Variants in RPTOR observed in about 807,000 individuals in gnomAD.
The protein encoded by RPTOR is regulatory-associated protein of mTOR.
Under a neutral mutation model 169.9 loss-of-function variants are expected in RPTOR, and 21 were observed. The observed-to-expected ratio is 0.12, with a 90% CI of 0.09 to 0.18. The LOEUF (loss-of-function observed/expected upper bound fraction) is 0.18, where lower values mean the gene tolerates loss of function less well. RPTOR is among the 10% of genes least tolerant of loss of function. The pLI, the probability that RPTOR is intolerant of heterozygous loss-of-function variation, is 1.00. For synonymous variants in RPTOR, 732 were observed against 753.2 expected (o/e 0.97, Z 0.46); for missense variants, 1,133 against 1,855.9 (o/e 0.61, Z 7.16).
At chr17:80,715,644 G>A (rs2066233456) in intron 4 of RPTOR, among the ~76,000 whole-genome samples, 2 of 151,456 alleles carry the variant, frequency 1.3e-5, no homozygotes, top group African/African-American at 2.4e-5. Context: ...GTGGTGTTTG[G>A]TTACATGAAG....
rs1330221255 is a variant in RPTOR at position 80,695,489 on chromosome 17, C to T, written c.349-12352C>T. Among the ~76,000 whole-genome samples the T allele has an allele frequency of 6.6e-6, 1 of 152,080 alleles. No individual in the cohort carries two copies. Among genetic ancestry groups the T allele is most frequent in the Non-Finnish European group, 1.5e-5 (1 of 68,004 alleles). ...GTTACAGAGGGGCAGGTGGGTGGCT[C>T]ACGTGTGGGCTCACCTGCGTCACTT... On this transcript the variant is annotated intron_variant, in intron 3 of 33. Transcript: ENST00000306801. The surrounding 1 kb of genome is among the most constrained non-coding windows in gnomAD (Gnocchi z 4.9).
At chr17:80,930,429 C>CCCCAG (rs1567993846) in intron 24 of RPTOR, among the ~76,000 whole-genome samples, 1 of 2,138 alleles carries the variant, frequency 4.7e-4, no homozygotes, top group Non-Finnish European at 8.3e-4. Flanking sequence ...CTCAGCTCAT[C>CCCCAG]CTCATCCCCA....
At chr17:80,855,600 G>C in intron 12 of RPTOR, 53 bp downstream of exon 12, 2 of 1,324,752 alleles carry the variant, frequency 1.5e-6, no homozygotes, top group Non-Finnish European at 1.1e-6. Context: ...ACAGAGATTA[G>C]GCTCCGTGTT....
At chr17:80,654,266 C>T (rs2143630304) in intron 3 of RPTOR, among the ~76,000 whole-genome samples, 1 of 152,370 alleles carries the variant, frequency 6.6e-6, no homozygotes, top group African/African-American at 2.4e-5. Context: ...CTGAGGGCCA[C>T]TGATGCAGGT....
chr17:80,882,645 CAT>C (rs2068198568), intron 14 of RPTOR, among the ~76,000 whole-genome samples: 1 of 152,186 alleles, frequency 6.6e-6, no homozygotes, highest in Admixed American at 6.5e-5. Flanking sequence ...AGAAAGACCA[CAT>C]GTCAGCGAGG....
chr17:80,851,978 C>A (rs548704430), intron 11 of RPTOR, among the ~76,000 whole-genome samples: 2 of 152,334 alleles, frequency 1.3e-5, no homozygotes, highest in African/African-American at 4.8e-5. Flanking sequence ...TGATTTCTGA[C>A]GATTGCAGCC....
chr17:80,637,330 G>A (rs754238041), intron 2 of RPTOR, among the ~76,000 whole-genome samples: 1 of 152,222 alleles, frequency 6.6e-6, no homozygotes, highest in Non-Finnish European at 1.5e-5. Flanking sequence ...GAGTCAGCTC[G>A]TGAGAAATGG....
chr17:80,662,468 G>A (rs992069388), intron 3 of RPTOR, among the ~76,000 whole-genome samples: 1 of 151,982 alleles, frequency 6.6e-6, no homozygotes, highest in Admixed American at 6.6e-5. Flanking sequence ...CTAGGGAGTG[G>A]GTGCTGCTGA....
Position 80,669,875 on chromosome 17 carries a change from C to T in RPTOR, c.348+26065C>T, listed in dbSNP as rs533663652. On this transcript the variant is annotated intron_variant, in intron 3 of 33. Coordinates refer to ENST00000306801, the MANE Select transcript of RPTOR (RefSeq NM_020761.3). ...CAAATAATTCATTTTTTTTGTTCTT[C>T]AGTCGTCACTTTCATGTTTGATTTC... is the stretch of plus-strand genomic sequence containing the variant. 2.0e-5 allele frequency among the ~76,000 whole-genome samples: 3 copies of T among 152,124 alleles called. No homozygotes were observed. In the South Asian group the frequency reaches 6.2e-4, roughly 31 times the overall value.
chr17:80,634,617 TGTGCGTGTGC>T (rs2065483967), intron 2 of RPTOR, among the ~76,000 whole-genome samples: 2 of 54,812 alleles, frequency 3.6e-5, no homozygotes, highest in Admixed American at 1.7e-4. Context: ...GTGTGTACTG[TGTGCGTGTGC>T]GTACTGTGTG....
chr17:80,869,730 T>C (rs2068031836), intron 13 of RPTOR, among the ~76,000 whole-genome samples: 1 of 152,196 alleles, frequency 6.6e-6, no homozygotes, highest in African/African-American at 2.4e-5. Flanking sequence ...TTTGTGCTCA[T>C]GGAAGCAAAT....
intron 21 of RPTOR, among the ~76,000 whole-genome samples, chr17:80,912,589 G>T (rs531851131): frequency 6.6e-6 from 1 of 152,282 alleles, no homozygotes; most frequent in East Asian, 1.9e-4. Flanking sequence ...TCTCGAGCCT[G>T]TGTAGCACAG....
In RPTOR at chr17:80,845,602, GCCCTCCAGCAGCCTTT is replaced by G. The variant is rs1169839716; in HGVS notation, c.1213-867_1213-852del. ...CCCATCCCCCAGCCTGCCCGAGGAT[GCCCTCCAGCAGCCTTT>G]CCCCACCCTCCGTGCCCCCAGCTGG... On this transcript the variant is annotated intron_variant, in intron 10 of 33. Coordinates refer to ENST00000306801, the MANE Select transcript of RPTOR (RefSeq NM_020761.3). This position sits in a 1 kb window ranked among gnomAD's most constrained non-coding sequence, Gnocchi z 5.4. Among the ~76,000 whole-genome samples the G allele has an allele frequency of 6.6e-6, 1 of 151,308 alleles. No individual in the cohort carries two copies. The highest frequency in any genetic ancestry group is 2.4e-5 in the African/African-American group (1 of 41,144).
In RPTOR at chr17:80,746,794, C is replaced by T. The variant is rs1296002397; in HGVS notation, c.655-7216C>T. Among the ~76,000 whole-genome samples the T allele has an allele frequency of 4.6e-5, 7 of 151,900 alleles. No individual in the cohort carries two copies. Among genetic ancestry groups the T allele is most frequent in the Non-Finnish European group, 1.0e-4 (7 of 67,988 alleles). On this transcript the variant is annotated intron_variant, in intron 5 of 33. Transcript: ENST00000306801. This position sits in a 1 kb window ranked among gnomAD's most constrained non-coding sequence, Gnocchi z 4.5. The stretch of plus-strand genomic sequence containing the variant: ...ACGGGGTCAATATCTTAGGTAGATG[C>T]AAAACCAAAACAGTGTATAGGAAAT...
intron 31 of RPTOR, among the ~76,000 whole-genome samples, chr17:80,961,963 C>T (rs2069348720): frequency 6.6e-6 from 1 of 152,218 alleles, no homozygotes; most frequent in Non-Finnish European, 1.5e-5. Context: ...TCTTTTCCCC[C>T]TTGTTTGTGA....
At chr17:80,549,836 T>C (rs1323205467) in intron 1 of RPTOR, among the ~76,000 whole-genome samples, 2 of 152,210 alleles carry the variant, frequency 1.3e-5, no homozygotes, top group Non-Finnish European at 2.9e-5. Flanking sequence ...GGCAGACACA[T>C]TCTGTGTACA....
At chr17:80,723,987 C>T (rs1172309751) in intron 4 of RPTOR, among the ~76,000 whole-genome samples, 1 of 151,270 alleles carries the variant, frequency 6.6e-6, no homozygotes, top group Non-Finnish European at 1.5e-5. Flanking sequence ...CAAGGCTAAG[C>T]AGGGATGTTT....
At chr17:80,874,203 G>A (rs1388471063) in intron 13 of RPTOR, among the ~76,000 whole-genome samples, 1 of 144,306 alleles carries the variant, frequency 6.9e-6, no homozygotes, top group African/African-American at 2.6e-5. Flanking sequence ...ATAACTAAAG[G>A]GCTTTTTTTT....
At chr17:80,796,327 A>G (rs2067101085) in intron 7 of RPTOR, among the ~76,000 whole-genome samples, 3 of 152,226 alleles carry the variant, frequency 2.0e-5, no homozygotes, top group South Asian at 2.1e-4. Context: ...ACTTGGAGAC[A>G]CTCAGTATTA....
Sources: gnomAD v4.1 joint callset for allele counts (sites outside exome capture counted in the v4.1 genomes callset) on GRCh38, gnomAD v4.1.1 for gene constraint, Gnocchi (gnomAD v3.1) non-coding constraint, MANE v1.5 for transcripts, NCBI Gene and HGNC (gene_info 2026-07-23, HGNC 2026-07-21) for gene names.